The following DLGAP1 variants were observed in gnomAD, a reference collection of about 807,000 sequenced individuals.
The protein encoded by DLGAP1 is DLG associated protein 1, also known as disks large-associated protein 1.
DLGAP1 carries 11 observed loss-of-function variants against 90.8 expected under a neutral mutation model. That is an observed-to-expected ratio of 0.12 (90% confidence interval 0.08 to 0.20). DLGAP1 has a LOEUF of 0.20. Among genes scored for constraint, DLGAP1 ranks in the 10% least tolerant of loss-of-function variants. The pLI, the probability that DLGAP1 is intolerant of heterozygous loss-of-function variation, is 1.00. For synonymous variants in DLGAP1, 558 were observed against 540.7 expected, an observed-to-expected ratio of 1.03 and a Z score of -0.44; for missense variants, 1,050 against 1,333.8, an observed-to-expected ratio of 0.79 and a Z score of 3.31.
chr18:4,243,966 G>A (rs545152997), intron 1 of DLGAP1, among the ~76,000 whole-genome samples: 3 of 151,998 alleles, frequency 2.0e-5, no homozygotes, highest in Admixed American at 6.6e-5. Flanking sequence ...GTAATGCCAC[G>A]AACACCTGGG....
chr18:3,719,556 CAAA>C (rs60129859), intron 7 of DLGAP1, among the ~76,000 whole-genome samples: 8 of 58,406 alleles, frequency 1.4e-4, no homozygotes, highest in Non-Finnish European at 2.6e-4. Flanking sequence ...GACTCTGTCT[CAAA>C]AAAAAAAAAA....
chr18:3,527,907 T>C (rs1426011008), intron 10 of DLGAP1, among the ~76,000 whole-genome samples: 1 of 152,154 alleles, frequency 6.6e-6, no homozygotes, highest in Non-Finnish European at 1.5e-5. Flanking sequence ...TATTTTAAAA[T>C]TGTGATAAAA....
intron 3 of DLGAP1, among the ~76,000 whole-genome samples, chr18:3,913,254 C>A (rs1341165498): frequency 2.6e-5 from 4 of 151,578 alleles, no homozygotes; most frequent in Non-Finnish European, 5.9e-5. Flanking sequence ...TCACACCTGG[C>A]TAATTTTTAA....
intron 4 of DLGAP1, among the ~76,000 whole-genome samples, chr18:3,828,576 G>C (rs2067851962): frequency 7.1e-6 from 1 of 141,678 alleles, no homozygotes; most frequent in Admixed American, 7.6e-5. Flanking sequence ...GGAGCTGAAG[G>C]CTCCAGTGAG....
chr18:3,738,760 A>C lies in DLGAP1; in HGVS notation c.1350+3575T>G, dbSNP rs1418681741. Among the ~76,000 whole-genome samples the C allele has an allele frequency of 4.8e-5, 7 of 147,104 alleles. No homozygotes were observed. In the East Asian group the frequency reaches 8.1e-4, roughly 17 times the overall value. ...ACACCAAAAGCAATGGCAACAAAAG[A>C]CAAAATTGACAAATGGGATCTAATT... is the stretch of plus-strand genomic sequence containing the variant. On this transcript the variant is annotated intron_variant, in intron 6 of 12. Transcript: ENST00000315677.
chr18:3,802,831 T>C (rs539887601), intron 5 of DLGAP1, among the ~76,000 whole-genome samples: 121 of 152,322 alleles, frequency 7.9e-4, no homozygotes, highest in African/African-American at 2.8e-3. Flanking sequence ...GAGAGTGAGA[T>C]GACTTGGGTC....
chr18:3,813,081 A>G (rs776454906), intron 5 of DLGAP1, among the ~76,000 whole-genome samples: 5 of 152,226 alleles, frequency 3.3e-5, no homozygotes, highest in Admixed American at 6.5e-5. Context: ...AAAATAATCA[A>G]TCTCAGTGGT....
intron 5 of DLGAP1, among the ~76,000 whole-genome samples, chr18:3,772,342 CT>C (rs2064655555): frequency 1.2e-5 from 1 of 81,028 alleles, no homozygotes; most frequent in South Asian, 4.1e-4. Context: ...TTCTCTCTCT[CT>C]CTCTCTTTCT....
intron 2 of DLGAP1, among the ~76,000 whole-genome samples, chr18:4,104,964 T>C (rs963464978): frequency 1.3e-5 from 2 of 152,218 alleles, no homozygotes; most frequent in African/African-American, 4.8e-5. Flanking sequence ...AAATGCCTAG[T>C]GCCTGAACCA....
chr18:3,516,809 T>C (rs2050871192), intron 10 of DLGAP1, among the ~76,000 whole-genome samples: 1 of 152,178 alleles, frequency 6.6e-6, no homozygotes, highest in African/African-American at 2.4e-5. Flanking sequence ...ACCCCCATGA[T>C]TTAATCATCT....
chr18:3,593,439 G>A (rs1178370017), intron 7 of DLGAP1, among the ~76,000 whole-genome samples: 2 of 152,288 alleles, frequency 1.3e-5, no homozygotes, highest in East Asian at 3.9e-4. Flanking sequence ...GAGGCTGTTG[G>A]GGTGGGTCAT....
At chr18:4,016,409 T>C (rs905312094) in intron 2 of DLGAP1, among the ~76,000 whole-genome samples, 1 of 152,156 alleles carries the variant, frequency 6.6e-6, no homozygotes, top group African/African-American at 2.4e-5. Flanking sequence ...CAAAGATATA[T>C]GGGAGAGAAG....
Position 3,526,560 on chromosome 18 carries a change from C to T in DLGAP1, c.2479+7634G>A, listed in dbSNP as rs1324121352. 3.9e-5 allele frequency among the ~76,000 whole-genome samples: 6 copies of T among 152,258 alleles called. No homozygotes were observed. Among genetic ancestry groups the T allele is most frequent in the Admixed American group, 2.6e-4 (4 of 15,280 alleles). ...AGAATTAATCTGCCTCCGGCACATGCTCTAGGTTTATCAGTTTGTTTCAGA... is the reference window on the plus strand; with the variant it reads ...AGAATTAATCTGCCTCCGGCACATGTTCTAGGTTTATCAGTTTGTTTCAGA... On this transcript the variant is annotated intron_variant, in intron 10 of 12. Transcript: ENST00000315677. The surrounding 1 kb of genome is among the most constrained non-coding windows in gnomAD (Gnocchi z 4.7).
At chr18:4,197,245 A>C (rs2077518730) in intron 1 of DLGAP1, among the ~76,000 whole-genome samples, 1 of 151,608 alleles carries the variant, frequency 6.6e-6, no homozygotes, top group Non-Finnish European at 1.5e-5. Flanking sequence ...CTTCCAGAGA[A>C]AGGCTTCCCA....
chr18:4,277,791 T>C (rs537623620), intron 1 of DLGAP1, among the ~76,000 whole-genome samples: 2 of 152,312 alleles, frequency 1.3e-5, no homozygotes, highest in African/African-American at 4.8e-5. Context: ...ACTGTCACTT[T>C]ATGTATTTTG....
intron 3 of DLGAP1, among the ~76,000 whole-genome samples, chr18:3,900,951 C>G (rs999876845): frequency 6.6e-6 from 1 of 152,150 alleles, no homozygotes; most frequent in African/African-American, 2.4e-5. Flanking sequence ...GATGATCTTT[C>G]TAACTTCCAA....
At chr18:3,908,263 A>T (rs1295816118) in intron 3 of DLGAP1, among the ~76,000 whole-genome samples, 2 of 152,360 alleles carry the variant, frequency 1.3e-5, no homozygotes, top group East Asian at 3.9e-4. Context: ...GGATATATGC[A>T]TGATTATGAA....
intron 9 of DLGAP1, among the ~76,000 whole-genome samples, chr18:3,535,723 G>A (rs1228724072): frequency 4.0e-5 from 6 of 148,260 alleles, no homozygotes; most frequent in Non-Finnish European, 8.9e-5. Flanking sequence ...AAAAAAAGAA[G>A]AAAAGAAAAA....
chr18:3,898,074 G>A lies in DLGAP1; in HGVS notation c.-72-17934C>T, dbSNP rs186796236. On this transcript the variant is annotated intron_variant, in intron 3 of 12. Transcript: ENST00000315677. ...CTCCCAAAGTGCTGGGATTACAGGCGTGAGCCACTGCGCCCGGCCGAATTT... is the reference window on the plus strand; with the variant it reads ...CTCCCAAAGTGCTGGGATTACAGGCATGAGCCACTGCGCCCGGCCGAATTT... Among the ~76,000 whole-genome samples, 423 of 152,302 alleles carry A rather than the reference G, an allele frequency of 2.8e-3. 4 individuals are homozygous for A. The highest frequency in any genetic ancestry group is 4.3e-3 in the Non-Finnish European group (292 of 68,018).
Sources: allele counts gnomAD v4.1 joint callset (sites outside exome capture counted in the v4.1 genomes callset), GRCh38; gene constraint gnomAD v4.1.1; non-coding constraint Gnocchi (gnomAD v3.1); transcripts MANE v1.5; gene names NCBI Gene and HGNC (gene_info 2026-07-23, HGNC 2026-07-21).